DLGAP2: variants seen among roughly 807,000 people sequenced by gnomAD.
The protein encoded by DLGAP2 is DLG associated protein 2.
Under a neutral mutation model 100.3 loss-of-function variants are expected in DLGAP2, and 26 were observed. That is an observed-to-expected ratio of 0.26 (90% CI 0.19 to 0.36). The LOEUF is 0.36. Among genes scored for constraint, DLGAP2 ranks in the 10% least tolerant of loss-of-function variants. DLGAP2 has a pLI of 1.00. For missense variants in DLGAP2, 1,858 were observed against 1,453.2 expected (o/e 1.28, Z -4.53); for synonymous variants, 886 against 630.1 (o/e 1.41, Z -6.08).
intron 2 of DLGAP2, among the ~76,000 whole-genome samples, chr8:1,209,929 C>G (rs58109796): frequency 6.6e-6 from 1 of 152,150 alleles, no homozygotes; most frequent in African/African-American, 2.4e-5. Flanking sequence ...ATCAGCGGTG[C>G]TTGACCACTT....
intron 2 of DLGAP2, among the ~76,000 whole-genome samples, chr8:938,280 C>T (rs1799116944): frequency 6.6e-6 from 1 of 152,128 alleles, no homozygotes. Flanking sequence ...TCACTACAGC[C>T]CAGAACTCCC....
At chr8:1,176,347 G>A (rs1056304466) in intron 2 of DLGAP2, among the ~76,000 whole-genome samples, 1 of 152,150 alleles carries the variant, frequency 6.6e-6, no homozygotes, top group South Asian at 2.1e-4. Context: ...GGGGATTACA[G>A]TTCGAGGTGA....
intron 3 of DLGAP2, among the ~76,000 whole-genome samples, chr8:1,489,192 G>A (rs956112173): frequency 6.6e-6 from 1 of 152,210 alleles, no homozygotes; most frequent in Non-Finnish European, 1.5e-5. Flanking sequence ...TGAAGTTTGA[G>A]CTGCTCGAGA....
rs13276425 is a variant in DLGAP2 at position 1,476,813 on chromosome 8, T to C, written c.107-24553T>C. Among the ~76,000 whole-genome samples the C allele has an allele frequency of 7.1e-3, 1,043 of 146,144 alleles. 13 individuals are homozygous for C. Among genetic ancestry groups the C allele is most frequent in the African/African-American group, 0.025 (962 of 38,584 alleles). ...CTTCTGCAGACCCACCCGTGATGGC[T>C]GAGTGCTGTCGGCCACCCACCAGCC... On this transcript the variant is annotated intron_variant, in intron 3 of 14. Transcript: ENST00000637795.
chr8:1,469,213 AGCTCCT>A (rs1563167622), intron 3 of DLGAP2, among the ~76,000 whole-genome samples: 1 of 152,232 alleles, frequency 6.6e-6, no homozygotes, highest in East Asian at 1.9e-4. Context: ...CCCCTCGCCC[AGCTCCT>A]GCACAGTGAA....
intron 8 of DLGAP2, among the ~76,000 whole-genome samples, chr8:1,652,813 A>G (rs1170979168): frequency 6.6e-6 from 1 of 151,816 alleles, no homozygotes; most frequent in Non-Finnish European, 1.5e-5. Flanking sequence ...CTGGCGAACC[A>G]AAATGTTATG....
At chr8:901,134 T>C (rs777185454) in intron 1 of DLGAP2, among the ~76,000 whole-genome samples, 1 of 152,148 alleles carries the variant, frequency 6.6e-6, no homozygotes, top group Non-Finnish European at 1.5e-5. Flanking sequence ...AAATTGTTTT[T>C]TAATTAGCTG....
At chr8:993,889 T>A (rs1271944736) in intron 2 of DLGAP2, among the ~76,000 whole-genome samples, 2 of 151,056 alleles carry the variant, frequency 1.3e-5, no homozygotes, top group Admixed American at 6.6e-5. Context: ...CTGTGTCGTT[T>A]CAGCTACTTA....
intron 3 of DLGAP2, chr8:1,369,552 T>C: frequency 6.6e-6 from 1 of 152,276 alleles, no homozygotes; most frequent in Non-Finnish European, 1.5e-5. Flanking sequence ...CTACTTCATT[T>C]GGCCTCCAGT....
chr8:820,778 C>A (rs1796569411), intron 1 of DLGAP2, among the ~76,000 whole-genome samples: 1 of 152,142 alleles, frequency 6.6e-6, no homozygotes, highest in Admixed American at 6.5e-5. Context: ...ATGCAGAATT[C>A]TTAGGAAATG....
At chr8:802,481 T>C (rs6987217) in intron 1 of DLGAP2, among the ~76,000 whole-genome samples, 149,629 of 150,720 alleles carry the variant, frequency 0.99, 74,286 homozygotes, top group Middle Eastern at 1. Context: ...TTGTCCTTGC[T>C]GCTGCTTCTC....
chr8:905,045 G>A (rs1161890575), intron 1 of DLGAP2, among the ~76,000 whole-genome samples: 1 of 152,196 alleles, frequency 6.6e-6, no homozygotes, highest in African/African-American at 2.4e-5. Flanking sequence ...ACTGTGGCGG[G>A]TAGAATGCTG....
At chr8:818,336 G>A (rs1372040804) in intron 1 of DLGAP2, among the ~76,000 whole-genome samples, 1 of 152,152 alleles carries the variant, frequency 6.6e-6, no homozygotes, top group Non-Finnish European at 1.5e-5. Context: ...TGTCCTAAAG[G>A]TTGGTCTAAC....
intron 3 of DLGAP2, among the ~76,000 whole-genome samples, chr8:1,418,672 C>T (rs896500989): frequency 2.6e-5 from 4 of 152,162 alleles, no homozygotes; most frequent in South Asian, 4.1e-4. Context: ...GCTACACTCA[C>T]GCCAATACTT....
chr8:832,916 C>G (rs776290932), intron 1 of DLGAP2, among the ~76,000 whole-genome samples: 1 of 152,152 alleles, frequency 6.6e-6, no homozygotes, highest in Non-Finnish European at 1.5e-5. Context: ...GGAGTCAGTT[C>G]TTTGTAATGG....
chr8:906,642 G>A (rs971057953), intron 1 of DLGAP2, among the ~76,000 whole-genome samples: 2 of 152,080 alleles, frequency 1.3e-5, no homozygotes, highest in South Asian at 4.1e-4. Flanking sequence ...GAAAAATACC[G>A]ACAGCTTCCA....
At chr8:1,324,810 A>G (rs1800983521) in intron 3 of DLGAP2, among the ~76,000 whole-genome samples, 1 of 152,214 alleles carries the variant, frequency 6.6e-6, no homozygotes, top group Non-Finnish European at 1.5e-5. Flanking sequence ...CACAGCATCT[A>G]AAATGAAACT....
At chr8:1,319,270 C>T (rs1800840376) in intron 3 of DLGAP2, among the ~76,000 whole-genome samples, 1 of 152,208 alleles carries the variant, frequency 6.6e-6, no homozygotes, top group Admixed American at 6.5e-5. Flanking sequence ...GTTACCACCG[C>T]CTCTGCCACA....
intron 7 of DLGAP2, 150 bp downstream of exon 7, chr8:1,627,037 G>C (rs1797523968): frequency 2.2e-6 from 2 of 921,406 alleles, no homozygotes; most frequent in African/African-American, 1.7e-5. Context: ...CCTGGAATTA[G>C]CTCTGGCTGA....
Sources: gnomAD v4.1 joint callset for allele counts (sites outside exome capture counted in the v4.1 genomes callset) on GRCh38, gnomAD v4.1.1 for gene constraint, MANE v1.5 for transcripts, NCBI Gene and HGNC (gene_info 2026-07-23, HGNC 2026-07-21) for gene names.